Variants in SSH2 observed in about 807,000 individuals in gnomAD.
SSH2 encodes protein phosphatase Slingshot homolog 2.
In SSH2, 37 loss-of-function variants were observed where a neutral mutation model predicts 135.2. The ratio of observed to expected loss-of-function variants is 0.27; its 90% CI spans 0.21 to 0.36. SSH2 has a LOEUF of 0.36. SSH2 is among the 10% of genes least tolerant of loss of function. SSH2 has a pLI of 1.00. For missense variants in SSH2, 1,408 were observed against 1,765.3 expected, an observed-to-expected ratio of 0.80 and a Z score of 3.63; for synonymous variants, 628 against 646.2, an observed-to-expected ratio of 0.97 and a Z score of 0.43.
chr17:29,665,080 T>C (rs542249686), intron 11 of SSH2, among the ~76,000 whole-genome samples: 1 of 152,294 alleles, frequency 6.6e-6, no homozygotes, highest in South Asian at 2.1e-4. Context: ...TAAAAATTAG[T>C]CTCAGGGAAA....
At chr17:29,663,349 C>T (rs2037132051) in intron 11 of SSH2, among the ~76,000 whole-genome samples, 1 of 152,216 alleles carries the variant, frequency 6.6e-6, no homozygotes, top group African/African-American at 2.4e-5. Context: ...CCACTTGCAG[C>T]TAGAATGCCT....
intron 3 of SSH2, among the ~76,000 whole-genome samples, chr17:29,733,767 T>C (rs781445300): frequency 3.9e-5 from 6 of 152,208 alleles, no homozygotes; most frequent in Non-Finnish European, 7.3e-5. Context: ...TCTCATCTTG[T>C]TTCTTCTGTA....
chr17:29,779,429 C>A (rs1332294946), intron 3 of SSH2, among the ~76,000 whole-genome samples: 2 of 152,098 alleles, frequency 1.3e-5, no homozygotes, highest in African/African-American at 2.4e-5. Flanking sequence ...TCACCACACC[C>A]CCTGGTGGCC....
intron 2 of SSH2, among the ~76,000 whole-genome samples, chr17:29,813,993 G>T (rs1370857006): frequency 6.9e-6 from 1 of 145,644 alleles, no homozygotes; most frequent in African/African-American, 2.6e-5. Context: ...TTAGCCAGGC[G>T]TGGTGGCGCG....
chr17:29,650,678 G>A lies in SSH2; in HGVS notation c.1202C>T (p.Thr401Ile). ...ATDLLAYWND[T>I]YKFISKAKKH... The stretch of plus-strand genomic sequence containing the variant: ...CTTTGCTTTAGAGATGAATTTGTAA[G>A]TGTCATTCCAGTACGCCAGGAGATC... The change falls in exon 13 of 16, where the codon ACT (threonine) becomes ATT (isoleucine). Residue 401 changes from threonine to isoleucine, a missense_variant. By Grantham distance (89) the Thr-to-Ile change is moderately conservative. Around this residue, in one of 3 missense-constraint regions of SSH2, gnomAD observed 106 missense variants for 265.2 expected, o/e 0.40. Coordinates refer to ENST00000540801, the MANE Select transcript of SSH2 (RefSeq NM_001282129.2). The A allele has an allele frequency of 6.2e-7, 1 of 1,613,742 alleles. No homozygotes were observed.
intron 6 of SSH2, among the ~76,000 whole-genome samples, chr17:29,681,331 CAAAAAA>C (rs764461213): frequency 1.4e-4 from 2 of 14,338 alleles, no homozygotes; most frequent in South Asian, 1.9e-3. Context: ...GAGACTGTCT[CAAAAAA>C]AAAAAAAAAA....
chr17:29,853,878 G>A (rs1244368815), intron 1 of SSH2, among the ~76,000 whole-genome samples: 2 of 151,636 alleles, frequency 1.3e-5, no homozygotes, highest in Non-Finnish European at 2.9e-5. Context: ...AGAGGCTGAT[G>A]AGGGAGGACT....
intron 3 of SSH2, among the ~76,000 whole-genome samples, chr17:29,712,308 G>C (rs1226025318): frequency 1.3e-5 from 2 of 152,170 alleles, no homozygotes; most frequent in Non-Finnish European, 2.9e-5. Context: ...AAACTTAGTA[G>C]CTATCTTTTT....
Position 29,930,193 on chromosome 17 carries a change from C to CGGCG in SSH2, c.-197_-194dup, listed in dbSNP as rs1420578068. 28 of 570,788 alleles carry CGGCG rather than the reference C, an allele frequency of 4.9e-5. No individual in the cohort carries two copies. Among genetic ancestry groups the CGGCG allele is most frequent in the South Asian group, 3.6e-4 (16 of 44,470 alleles). The allele number at this position is 570,788 out of a possible 1,614,324, so 35.4% of individuals were successfully genotyped here. Reference sequence around the variant, plus strand: ...GTCGCCGACTGACGCTCCGAACGGGCGGCGGGCGGGCGGTTCCGCAGCTGC... The same window carrying CGGCG: ...GTCGCCGACTGACGCTCCGAACGGGCGGCGGGCGGGCGGGCGGTTCCGCAGCTGC... On this transcript the variant is annotated 5_prime_UTR_variant, in exon 1 of 16. Transcript: ENST00000540801.
rs1189562932 is a variant in SSH2 at position 29,626,212 on chromosome 17, T to C, written c.*4629A>G. On this transcript the variant is annotated 3_prime_UTR_variant, in exon 16 of 16. Transcript: ENST00000540801. ...AGTTTGGGGTGGCTTGGGGCAAAGG[T>C]AACAGTCAGAGGAGAGTCTTCTGGA... 6.7e-6 allele frequency: 1 copy of C among 148,498 alleles called. No individual in the cohort carries two copies. Among genetic ancestry groups the C allele is most frequent in the Non-Finnish European group, 1.5e-5 (1 of 67,340 alleles). The allele number at this position is 148,498 out of a possible 1,614,324, so 9.2% of individuals were successfully genotyped here. A position where few individuals can be genotyped will look rare whatever the true frequency, so the allele number is the denominator to read the frequency against.
chr17:29,720,486 G>A (rs1027832437), intron 3 of SSH2, among the ~76,000 whole-genome samples: 4 of 152,106 alleles, frequency 2.6e-5, no homozygotes, highest in African/African-American at 7.2e-5. Context: ...ATTAAACCAC[G>A]GGGAACAGAG....
At chr17:29,765,385 C>T (rs760202444) in intron 3 of SSH2, among the ~76,000 whole-genome samples, 9 of 152,130 alleles carry the variant, frequency 5.9e-5, no homozygotes, top group African/African-American at 1.2e-4. Context: ...AGAAAGTTAT[C>T]GTGAGGATTA....
At chr17:29,815,088 A>C (rs1198307573) in intron 2 of SSH2, among the ~76,000 whole-genome samples, 1 of 147,882 alleles carries the variant, frequency 6.8e-6, no homozygotes, top group African/African-American at 2.5e-5. Context: ...AGCTGGGATT[A>C]CAGGCGCCCA....
intron 2 of SSH2, among the ~76,000 whole-genome samples, chr17:29,807,189 C>T (rs778815893): frequency 4.3e-4 from 66 of 152,160 alleles, no homozygotes; most frequent in South Asian, 6.2e-4. Context: ...CCTAAATGAA[C>T]AGCATAATTT....
chr17:29,876,197 G>T (rs199952977), intron 1 of SSH2, among the ~76,000 whole-genome samples: 1 of 112,670 alleles, frequency 8.9e-6, no homozygotes, highest in African/African-American at 4.0e-5. Context: ...AAGGTAAAAA[G>T]AAAAAAAAAA....
At chr17:29,691,538 T>C (rs2038474466) in intron 5 of SSH2, among the ~76,000 whole-genome samples, 1 of 151,756 alleles carries the variant, frequency 6.6e-6, no homozygotes, top group Non-Finnish European at 1.5e-5. Flanking sequence ...TTGCCCAGGC[T>C]GGAGTGCAGT....
At chr17:29,763,812 T>C (rs2041379503) in intron 3 of SSH2, among the ~76,000 whole-genome samples, 2 of 152,292 alleles carry the variant, frequency 1.3e-5, no homozygotes, top group South Asian at 4.1e-4. Context: ...TCAGAAGACC[T>C]CTGTCAGTGT....
intron 2 of SSH2, among the ~76,000 whole-genome samples, chr17:29,811,027 G>A (rs555926511): frequency 2.6e-5 from 4 of 151,836 alleles, no homozygotes; most frequent in African/African-American, 9.7e-5. Context: ...ACAGAGTCTC[G>A]CTCTGTTGCA....
chr17:29,724,163 T>G (rs1156254454), intron 3 of SSH2, among the ~76,000 whole-genome samples: 27 of 152,184 alleles, frequency 1.8e-4, no homozygotes, highest in Non-Finnish European at 2.9e-4. Context: ...GTGTAATACA[T>G]GCAAAACAGA....
Sources: allele counts gnomAD v4.1 joint callset (sites outside exome capture counted in the v4.1 genomes callset), GRCh38; gene constraint gnomAD v4.1.1; regional missense constraint gnomAD v4.1.1; transcripts MANE v1.5; gene names NCBI Gene and HGNC (gene_info 2026-07-23, HGNC 2026-07-21).